Variants in CCDC34 observed in about 807,000 individuals in gnomAD.
CCDC34 encodes the protein coiled-coil domain containing 34, also known as coiled-coil domain-containing protein 34.
A neutral mutation model predicts 44.1 loss-of-function variants in CCDC34; 40 were observed. The observed-to-expected ratio is 0.91, with a 90% CI of 0.70 to 1.18. The LOEUF is 1.18. Ranked by LOEUF, CCDC34 falls within the 50% of genes most tolerant of loss-of-function variation. The probability of loss-of-function intolerance (pLI) is 0.00; values close to 1 mark genes in which losing one functional copy is unlikely to be tolerated. For missense variants in CCDC34, 466 were observed against 452.3 expected (o/e 1.03, Z -0.28); for synonymous variants, 159 against 158.2 (o/e 1.01, Z -0.04).
chr11:27,340,061 T>C (rs886279691), intron 5 of CCDC34, among the ~76,000 whole-genome samples: 4 of 152,198 alleles, frequency 2.6e-5, no homozygotes, highest in Admixed American at 6.5e-5. Flanking sequence ...GGCATAGATA[T>C]GCCAACACTC....
chr11:27,350,218 A>G, intron 3 of CCDC34, 114 bp downstream of exon 3: 1 of 1,587,022 alleles, frequency 6.3e-7, no homozygotes, highest in Non-Finnish European at 8.5e-7. Flanking sequence ...AAAACAAGCC[A>G]AAGAAGAAAG....
chr11:27,354,152 T>A (rs189072295), intron 2 of CCDC34, among the ~76,000 whole-genome samples: 2 of 152,304 alleles, frequency 1.3e-5, no homozygotes, highest in Admixed American at 6.5e-5. Context: ...TGTTAGGATA[T>A]CCCTGGCATA....
intron 3 of CCDC34, chr11:27,349,121 T>C (rs570776566): frequency 1.2e-5 from 12 of 984,200 alleles, no homozygotes; most frequent in African/African-American, 7.0e-5. Flanking sequence ...TTAATGGAGT[T>C]AGAAGATAAG....
At position 27,340,750 on chromosome 11, in the gene CCDC34, G is replaced by T. The variant is rs773030924; in HGVS notation, c.853C>A (p.His285Asn). ...CTCTTTGCAGCTGGACGAGGTTTAT[G>T]TTTCGCATTTTCCAACCATTCTTGA... ...KFQEWLENAK[H>N]KPRPAAKSYG... Residue 285 changes from histidine to asparagine, a missense_variant, in exon 5 of 6, where the codon CAT becomes AAT. By Grantham distance (68) the His-to-Asn change is moderately conservative. Coordinates refer to ENST00000328697, the MANE Select transcript of CCDC34 (RefSeq NM_030771.2). 4.3e-6 allele frequency: 7 copies of T among 1,613,774 alleles called. No homozygotes were observed. Among genetic ancestry groups the T allele is most frequent in the Admixed American group, 1.7e-5 (1 of 60,004 alleles).
At chr11:27,361,191 TAAGG>T (rs1438847031) in intron 1 of CCDC34, among the ~76,000 whole-genome samples, 3 of 152,184 alleles carry the variant, frequency 2.0e-5, no homozygotes, top group African/African-American at 7.2e-5. Flanking sequence ...TGAAATGTGA[TAAGG>T]AAGGCAGCCT....
Position 27,338,796 on chromosome 11 carries a change from A to G in CCDC34, c.*25T>C, listed in dbSNP as rs972443716. On this transcript the variant is annotated 3_prime_UTR_variant, in exon 6 of 6. Transcript: ENST00000328697. ...ATTTTTAAATTAAATAGCTCCAGAT[A>G]AAAGCATGTTATTTTCCACATACGC... 6.4e-7 allele frequency: 1 copy of G among 1,566,544 alleles called. No homozygotes were observed. Among genetic ancestry groups the G allele is most frequent in the Non-Finnish European group, 8.8e-7 (1 of 1,140,190 alleles).
At chr11:27,361,257 A>ATG (rs1862659595) in intron 1 of CCDC34, among the ~76,000 whole-genome samples, 1 of 152,194 alleles carries the variant, frequency 6.6e-6, no homozygotes, top group Admixed American at 6.5e-5. Context: ...TGAGACGTAC[A>ATG]TACGTTCACC....
chr11:27,341,745 C>T (rs1051735618), intron 3 of CCDC34, among the ~76,000 whole-genome samples, 195 bp from the exon 4 acceptor site: 23 of 152,228 alleles, frequency 1.5e-4, no homozygotes, highest in African/African-American at 5.3e-4. Flanking sequence ...AGTCTACCTG[C>T]TGGGCTATAA....
chr11:27,346,184 T>C (rs11029963), intron 3 of CCDC34, among the ~76,000 whole-genome samples: 41,987 of 151,924 alleles, frequency 0.28, 6,385 homozygotes, highest in Non-Finnish European at 0.35. Context: ...AAAAATTAAA[T>C]GGGGATTTCA....
At chr11:27,342,148 T>G (rs189163967) in intron 3 of CCDC34, among the ~76,000 whole-genome samples, 163 of 152,104 alleles carry the variant, frequency 1.1e-3, no homozygotes, top group African/African-American at 3.7e-3. Context: ...AGGTATGTCT[T>G]TATTAGCAGC....
chr11:27,339,587 T>G (rs2134227805), intron 5 of CCDC34, among the ~76,000 whole-genome samples: 1 of 152,306 alleles, frequency 6.6e-6, no homozygotes, highest in East Asian at 1.9e-4. Context: ...TATGAAGTGT[T>G]TAAAGTATTG....
At chr11:27,344,697 G>A (rs1862409762) in intron 3 of CCDC34, among the ~76,000 whole-genome samples, 1 of 151,714 alleles carries the variant, frequency 6.6e-6, no homozygotes, top group African/African-American at 2.4e-5. Context: ...ATAAATAACT[G>A]GAAAGAAAAA....
intron 5 of CCDC34, 110 bp from the exon 6 acceptor site, chr11:27,339,145 C>T (rs1286969898): frequency 2.6e-5 from 19 of 736,470 alleles, no homozygotes; most frequent in Non-Finnish European, 4.0e-5. Flanking sequence ...CAAATTATCA[C>T]TAATAAGCCA....
Position 27,338,944 on chromosome 11 carries a change from C to T in CCDC34, c.999G>A (p.Lys333=). 2 of 1,613,772 alleles carry T rather than the reference C, an allele frequency of 1.2e-6. No homozygotes were observed. The highest frequency in any genetic ancestry group is 1.7e-6 in the Non-Finnish European group (2 of 1,179,842). ...TTTTACTCTTCCTTCCTGATAGATC[C>T]TTAGCTTCTTTGGGAGGTGGCATAT... The part of the protein sequence containing the change: ...PIHMPPPKEA[K]DLSGRKSKRP... Residue 333 remains lysine (K), a synonymous_variant, in exon 6 of 6, where the codon AAG becomes AAA. Transcript: ENST00000328697.
At chr11:27,346,610 G>A (rs1862438968) in intron 3 of CCDC34, among the ~76,000 whole-genome samples, 1 of 152,036 alleles carries the variant, frequency 6.6e-6, no homozygotes, top group Admixed American at 6.6e-5. Context: ...TTAATAATAA[G>A]CCATACAACC....
chr11:27,349,047 C>T, intron 3 of CCDC34: 4 of 984,656 alleles, frequency 4.1e-6, no homozygotes, highest in Non-Finnish European at 4.8e-6. Context: ...TATATTGTCT[C>T]CCAGAAGTAT....
intron 3 of CCDC34, among the ~76,000 whole-genome samples, chr11:27,343,206 G>C (rs1359657758): frequency 2.0e-5 from 3 of 152,118 alleles, no homozygotes; most frequent in Non-Finnish European, 2.9e-5. Flanking sequence ...TTCGAGACCA[G>C]GCTGGCCAAC....
At position 27,344,491 on chromosome 11, in the gene CCDC34, CAT is replaced by C. The variant is rs144038373; in HGVS notation, c.607-2943_607-2942del. ...TATACGCATTGTTACATGTTATAAA[CAT>C]GTGTACATTACATATATGCTATAAA... On this transcript the variant is annotated intron_variant, in intron 3 of 5. Coordinates refer to ENST00000328697, the MANE Select transcript of CCDC34 (RefSeq NM_030771.2). Among the ~76,000 whole-genome samples, 625 of 151,724 alleles carry C rather than the reference CAT, an allele frequency of 4.1e-3. 4 individuals are homozygous for C. Among genetic ancestry groups the C allele is most frequent in the Non-Finnish European group, 7.3e-3 (494 of 67,898 alleles).
Position 27,338,965 on chromosome 11 carries a change from C to T in CCDC34, c.978G>A (p.Met326Ile). 1 of 1,613,794 alleles carries T rather than the reference C, an allele frequency of 6.2e-7. No individual in the cohort carries two copies. The highest frequency in any genetic ancestry group is 8.5e-7 in the Non-Finnish European group (1 of 1,179,900). ...GATCCTTAGCTTCTTTGGGAGGTGG[C>T]ATATGAATTGGTTTCCACGGAATTG... ...YNPIPWKPIH[M>I]PPPKEAKDLS... Residue 326 changes from methionine to isoleucine, a missense_variant, in exon 6 of 6, where the codon ATG becomes ATA. By Grantham distance (10) the Met-to-Ile change is conservative. Coordinates refer to ENST00000328697, the MANE Select transcript of CCDC34 (RefSeq NM_030771.2).
Sources: allele counts gnomAD v4.1 joint callset (sites outside exome capture counted in the v4.1 genomes callset), GRCh38; gene constraint gnomAD v4.1.1; transcripts MANE v1.5; gene names NCBI Gene and HGNC (gene_info 2026-07-23, HGNC 2026-07-21).